Variants in LINGO2 observed in about 807,000 individuals in gnomAD.
LINGO2 encodes the protein leucine rich repeat and Ig domain containing 2, also known as leucine-rich repeat and immunoglobulin-like domain-containing nogo receptor-interacting protein 2.
Under a neutral mutation model 30.6 loss-of-function variants are expected in LINGO2, and 14 were observed. The observed-to-expected ratio is 0.46, with a 90% CI of 0.30 to 0.72. The LOEUF is 0.72. LINGO2 is among the 30% of genes least tolerant of loss of function. The pLI is 0.07. For synonymous variants in LINGO2, 317 were observed against 288.5 expected (o/e 1.10, Z -1.00); for missense variants, 729 against 751.7 (o/e 0.97, Z 0.35).
the LINGO2 span, among the ~76,000 whole-genome samples, chr9:28,950,279 G>A: frequency 6.6e-6 from 1 of 152,138 alleles, no homozygotes; most frequent in African/African-American, 2.4e-5. Context: ...CAAACCCACA[G>A]CCAATATCAT....
the LINGO2 span, among the ~76,000 whole-genome samples, chr9:28,704,406 TC>T: frequency 2.9e-3 from 436 of 150,070 alleles, 2 homozygotes; most frequent in African/African-American, 9.9e-3. Flanking sequence ...ATTTTTTTTT[TC>T]GCATTTATCC....
the LINGO2 span, among the ~76,000 whole-genome samples, chr9:29,097,589 C>A: frequency 7.2e-6 from 1 of 138,212 alleles, no homozygotes; most frequent in African/African-American, 2.7e-5. Flanking sequence ...TACTGTTACA[C>A]CAATAAAGAT....
chr9:28,819,133 G>A, the LINGO2 span, among the ~76,000 whole-genome samples: 2 of 152,098 alleles, frequency 1.3e-5, no homozygotes, highest in Non-Finnish European at 2.9e-5. Flanking sequence ...CCTGTTCTCA[G>A]TCTTATCCAT....
chr9:28,090,716 G>A (rs1826054659), intron 4 of LINGO2, among the ~76,000 whole-genome samples: 1 of 152,106 alleles, frequency 6.6e-6, no homozygotes, highest in African/African-American at 2.4e-5. Context: ...TCTGGCCAGG[G>A]CAATTAGGGA....
At chr9:28,954,765 C>T in the LINGO2 span, among the ~76,000 whole-genome samples, 1 of 152,154 alleles carries the variant, frequency 6.6e-6, no homozygotes, top group African/African-American at 2.4e-5. Context: ...AAAACAAAAA[C>T]TGAAGTGTTA....
At chr9:28,547,515 T>C (rs986848602) in intron 1 of LINGO2, among the ~76,000 whole-genome samples, 3 of 152,114 alleles carry the variant, frequency 2.0e-5, no homozygotes, top group African/African-American at 4.8e-5. Flanking sequence ...AAACTACATA[T>C]AAAACAACTT....
chr9:28,140,473 C>T (rs559363472), intron 4 of LINGO2, among the ~76,000 whole-genome samples: 26 of 152,192 alleles, frequency 1.7e-4, no homozygotes, highest in Non-Finnish European at 1.6e-4. Context: ...AGTGCACACA[C>T]ATCATTTAAA....
chr9:28,515,485 C>T (rs1409124231), intron 1 of LINGO2, among the ~76,000 whole-genome samples: 4 of 152,168 alleles, frequency 2.6e-5, no homozygotes, highest in Admixed American at 6.5e-5. Context: ...GGATTACAGG[C>T]GTGAACCGCT....
intron 5 of LINGO2, among the ~76,000 whole-genome samples, chr9:27,978,695 G>C (rs1820720384): frequency 6.6e-6 from 1 of 151,924 alleles, no homozygotes; most frequent in African/African-American, 2.4e-5. Context: ...ATAGCAACCT[G>C]AACAGACTAA....
the LINGO2 span, among the ~76,000 whole-genome samples, chr9:28,808,931 C>T: frequency 6.6e-6 from 1 of 152,176 alleles, no homozygotes; most frequent in East Asian, 1.9e-4. Flanking sequence ...ACGCCCTGGT[C>T]ATCCAGTGCT....
chr9:28,209,236 T>C lies in LINGO2; in HGVS notation c.-87+85972A>G, dbSNP rs146231690. Among the ~76,000 whole-genome samples, 78 of 152,164 alleles carry C rather than the reference T, an allele frequency of 5.1e-4. 1 individual carries two copies. Among genetic ancestry groups the C allele is most frequent in the Admixed American group, 1.8e-3 (28 of 15,264 alleles). ...AGTTTTAACACATTAGAGATTTTCA[T>C]ACATCAAATATATATTGAATAACTG... On this transcript the variant is annotated intron_variant, in intron 4 of 5. Coordinates refer to ENST00000379992, the Ensembl canonical transcript of LINGO2.
At chr9:28,523,693 A>C (rs995328062) in intron 1 of LINGO2, among the ~76,000 whole-genome samples, 2 of 152,178 alleles carry the variant, frequency 1.3e-5, no homozygotes, top group Admixed American at 6.5e-5. Flanking sequence ...AATGATTTAA[A>C]AATAAACAGA....
chr9:29,115,549 A>C, the LINGO2 span, among the ~76,000 whole-genome samples: 1 of 151,772 alleles, frequency 6.6e-6, no homozygotes, highest in Admixed American at 6.6e-5. Context: ...TAAAAAACTT[A>C]CTGTGAGCCA....
chr9:28,733,088 T>C, the LINGO2 span, among the ~76,000 whole-genome samples: 8 of 152,142 alleles, frequency 5.3e-5, no homozygotes, highest in Non-Finnish European at 7.4e-5. Context: ...TACTTAAGAG[T>C]ATATTGCTTA....
intron 1 of LINGO2, among the ~76,000 whole-genome samples, chr9:28,659,707 C>T (rs2136004713): frequency 6.6e-6 from 1 of 152,226 alleles, no homozygotes; most frequent in East Asian, 1.9e-4. Context: ...CCTCAGCCTG[C>T]CAAACTGCTG....
the LINGO2 span, among the ~76,000 whole-genome samples, chr9:28,851,264 C>T: frequency 1.3e-5 from 2 of 151,938 alleles, no homozygotes; most frequent in Admixed American, 1.3e-4. Flanking sequence ...AGAAGATGAC[C>T]CATTTGCTTG....
At chr9:28,848,253 C>T in the LINGO2 span, among the ~76,000 whole-genome samples, 11 of 101,608 alleles carry the variant, frequency 1.1e-4, no homozygotes, top group East Asian at 2.9e-4. Context: ...TATATATACG[C>T]ATATATAGTG....
the LINGO2 span, among the ~76,000 whole-genome samples, chr9:28,744,401 T>C: frequency 1.2e-4 from 18 of 152,138 alleles, no homozygotes; most frequent in African/African-American, 3.9e-4. Context: ...CCCTTGCCTG[T>C]TTCCTTTCAC....
chr9:29,205,404 T>C, the LINGO2 span, among the ~76,000 whole-genome samples: 2 of 152,228 alleles, frequency 1.3e-5, no homozygotes, highest in Middle Eastern at 3.2e-3. Context: ...TAAACCAACA[T>C]TGCATTTCTG....
Sources: allele counts gnomAD v4.1 joint callset (sites outside exome capture counted in the v4.1 genomes callset), GRCh38; gene constraint gnomAD v4.1.1; transcripts MANE v1.5; gene names NCBI Gene and HGNC (gene_info 2026-07-23, HGNC 2026-07-21).